PRPF39: variants seen among roughly 807,000 people sequenced by gnomAD.
The protein encoded by PRPF39 is pre-mRNA-processing factor 39.
Under a neutral mutation model 82.1 loss-of-function variants are expected in PRPF39, and 27 were observed. That is an observed-to-expected ratio of 0.33 (90% CI 0.24 to 0.45). PRPF39 has a LOEUF of 0.45. PRPF39 is among the 20% of genes least tolerant of loss of function. PRPF39 has a pLI of 1.00. For synonymous variants in PRPF39, 261 were observed against 256.4 expected, an observed-to-expected ratio of 1.02 and a Z score of -0.17; for missense variants, 581 against 796.9, an observed-to-expected ratio of 0.73 and a Z score of 3.26.
chr14:45,114,318 A>G (rs1884777117), intron 12 of PRPF39, 61 bp downstream of exon 12: 1 of 1,428,440 alleles, frequency 7.0e-7, no homozygotes, highest in Non-Finnish European at 9.6e-7. Context: ...CTTCAAAGAC[A>G]AATGTTTTTA....
rs747421280 is a variant in PRPF39 at position 45,110,045 on chromosome 14, G to C, written c.1177-49G>C. 6.2e-7 allele frequency: 1 copy of C among 1,604,044 alleles called. No individual in the cohort carries two copies. The highest frequency in any genetic ancestry group is 8.5e-7 in the Non-Finnish European group (1 of 1,174,016). On this transcript the variant is annotated intron_variant, in intron 8 of 13. Transcript: ENST00000355765. The surrounding 1 kb of genome is among the most constrained non-coding windows in gnomAD (Gnocchi z 4.0). ...TTTATCGTTCTGTCACAAATTTAAT[G>C]GCTTGTTCAACTGTAAATTATTCAG...
At chr14:45,095,640 T>G in intron 2 of PRPF39, 77 bp downstream of exon 2, 1 of 1,417,996 alleles carries the variant, frequency 7.1e-7, no homozygotes, top group Non-Finnish European at 9.3e-7. Flanking sequence ...GTAGACCTTA[T>G]TGTTTATGAT....
At chr14:45,102,947 A>G (rs928829939) in intron 5 of PRPF39, among the ~76,000 whole-genome samples, 1 of 152,180 alleles carries the variant, frequency 6.6e-6, no homozygotes, top group East Asian at 1.9e-4. Context: ...GAGAAACAGG[A>G]ATTCTGTCTT....
In PRPF39 at chr14:45,102,386, T is replaced by G. The variant is rs972658667; in HGVS notation, c.570-143T>G. ...GCAGCTGTTGTATGCTTTCTGTTAT[T>G]CTGTCTACCCTTTAATCCCTACTTG... On this transcript the variant is annotated intron_variant, in intron 4 of 13. Transcript: ENST00000355765. 5.0e-6 allele frequency: 3 copies of G among 594,976 alleles called. No homozygotes were observed. The African/African-American group carries it at 5.7e-5, about 11-fold the overall frequency. 36.9% of individuals were successfully genotyped at this position (594,976 alleles called of 1,614,324 possible).
In PRPF39 at chr14:45,096,144, C is replaced by T; in HGVS notation, c.366C>T (p.Phe122=). ...CCAGGAAGGCATTTGACAGATTTTT[C>T]ATACACTATCCGTATTGCTATGGTT... is the stretch of plus-strand genomic sequence containing the variant. ...MAARKAFDRF[F]IHYPYCYGYW... is the part of the protein sequence containing the mutation. Residue 122 remains phenylalanine, a synonymous_variant, in exon 3 of 14, where the codon TTC becomes TTT. Coordinates refer to ENST00000355765, the MANE Select transcript of PRPF39 (RefSeq NM_017922.4). The T allele has an allele frequency of 6.3e-7, 1 of 1,584,202 alleles. No individual in the cohort carries two copies. The highest frequency in any genetic ancestry group is 1.3e-5 in the African/African-American group (1 of 74,364).
At chr14:45,113,080 T>C (rs1056470307) in intron 11 of PRPF39, among the ~76,000 whole-genome samples, 4 of 152,222 alleles carry the variant, frequency 2.6e-5, no homozygotes, top group African/African-American at 4.8e-5. Context: ...TCCAGTCTTA[T>C]CTGATTGTAG....
intron 3 of PRPF39, chr14:45,096,465 G>C: frequency 6.8e-7 from 1 of 1,471,212 alleles, no homozygotes; most frequent in South Asian, 1.2e-5. Flanking sequence ...TGCAGTGCAA[G>C]CCTCTGTATT....
chr14:45,113,450 T>C (rs1442832318), intron 11 of PRPF39, among the ~76,000 whole-genome samples: 1 of 152,228 alleles, frequency 6.6e-6, no homozygotes, highest in East Asian at 1.9e-4. Flanking sequence ...GTCATGTAGC[T>C]ATTATCACAT....
Position 45,095,519 on chromosome 14 carries a change from G to T in PRPF39, c.280G>T (p.Asp94Tyr), listed in dbSNP as rs1884168421. 6.2e-7 allele frequency: 1 copy of T among 1,611,436 alleles called. No individual in the cohort carries two copies. The highest frequency in any genetic ancestry group is 8.5e-7 in the Non-Finnish European group (1 of 1,178,648). ...FWKTVENNPQ[D>Y]FTGWVYLLQY... ...GAAAACTGTAGAAAATAATCCTCAG[G>T]ATTTTACAGGCTGGGTATATTTGCT... Residue 94 changes from aspartate (D) to tyrosine (Y), a missense_variant, in exon 2 of 14, where the codon GAT becomes TAT. Physicochemically the swap from Asp to Tyr is radical, Grantham distance 160. Coordinates refer to ENST00000355765, the MANE Select transcript of PRPF39 (RefSeq NM_017922.4).
intron 1 of PRPF39, among the ~76,000 whole-genome samples, chr14:45,088,986 G>A (rs1290643249): frequency 1.3e-5 from 2 of 152,212 alleles, no homozygotes; most frequent in South Asian, 2.1e-4. Flanking sequence ...ACAGTGAAGA[G>A]ATGATTACTT....
At chr14:45,097,922 G>A (rs1884251764) in intron 4 of PRPF39, among the ~76,000 whole-genome samples, 1 of 151,996 alleles carries the variant, frequency 6.6e-6, no homozygotes. Flanking sequence ...TCTTTCTTCT[G>A]GTATTTTCCA....
chr14:45,114,196 T>C lies in PRPF39; in HGVS notation c.1771T>C (p.Tyr591His). Residue 591 changes from tyrosine to histidine, a missense_variant, in exon 12 of 14, where the codon TAT becomes CAT. Tyr to His is a moderately conservative substitution (Grantham distance 83). Transcript: ENST00000355765. ...GSDVNKLLNA[Y>H]DEHQTLLKEQ... Reference sequence around the variant, plus strand: ...CTTTCCTTTCAGGCTTCTGAATGCTTATGATGAACATCAAACACTCCTGAA... The same window carrying C: ...CTTTCCTTTCAGGCTTCTGAATGCTCATGATGAACATCAAACACTCCTGAA... 6.3e-7 allele frequency: 1 copy of C among 1,594,552 alleles called. No individual in the cohort carries two copies. The highest frequency in any genetic ancestry group is 8.6e-7 in the Non-Finnish European group (1 of 1,166,986).
chr14:45,102,456 C>A, intron 4 of PRPF39, 73 bp from the exon 5 acceptor site: 1 of 1,302,812 alleles, frequency 7.7e-7, no homozygotes. Flanking sequence ...GCATTATCTT[C>A]TAAATTTAGA....
chr14:45,101,087 T>C (rs1566694647), intron 4 of PRPF39, among the ~76,000 whole-genome samples: 2 of 152,348 alleles, frequency 1.3e-5, no homozygotes, highest in East Asian at 1.9e-4. Context: ...ATTTTTCTGT[T>C]ACCTGGCCAG....
At position 45,095,779 on chromosome 14, in the gene PRPF39, T is replaced by C. The variant is rs1473304300; in HGVS notation, c.324+216T>C. On this transcript the variant is annotated intron_variant, in intron 2 of 13. Transcript: ENST00000355765. ...AGTGTCAAAGCTTAATGTTTTGTAA[T>C]AATTGAGGTGTAAATGTGTGTGTAA... 3 of 644,818 alleles carry C rather than the reference T, an allele frequency of 4.7e-6. No individual in the cohort carries two copies. In the African/African-American group the frequency reaches 5.6e-5, roughly 12 times the overall value. The allele number at this position is 644,818 out of a possible 1,614,324, so 39.9% of individuals were successfully genotyped here.
intron 1 of PRPF39, among the ~76,000 whole-genome samples, chr14:45,093,523 C>T (rs1458335753): frequency 4.7e-5 from 7 of 149,346 alleles, no homozygotes; most frequent in Middle Eastern, 3.8e-3. Flanking sequence ...CGTGCCTGGC[C>T]GAGTATACTA....
intron 10 of PRPF39, among the ~76,000 whole-genome samples, chr14:45,111,192 T>A (rs573757026): frequency 6.6e-6 from 1 of 152,390 alleles, no homozygotes; most frequent in Non-Finnish European, 1.5e-5. Context: ...ATGATTTTGC[T>A]TCTCCATAGA....
Position 45,095,218 on chromosome 14 carries a change from C to T in PRPF39, c.-19-3C>T. The T allele has an allele frequency of 6.6e-7, 1 of 1,518,342 alleles. No individual in the cohort carries two copies. The highest frequency in any genetic ancestry group is 9.0e-7 in the Non-Finnish European group (1 of 1,114,540). The allele number at this position is 1,518,342 out of a possible 1,614,324, so 94.1% of individuals were successfully genotyped here. ...TATTTCTCTTTTTTTCGTGTTTCCA[C>T]AGATCGTTAACTGAAGACAATATGC... On this transcript the variant is annotated splice_region_variant and splice_polypyrimidine_tract_variant and intron_variant, in intron 1 of 13. Coordinates refer to ENST00000355765, the MANE Select transcript of PRPF39 (RefSeq NM_017922.4).
intron 1 of PRPF39, among the ~76,000 whole-genome samples, chr14:45,089,196 C>T (rs1166626525): frequency 6.6e-6 from 1 of 152,180 alleles, no homozygotes; most frequent in Non-Finnish European, 1.5e-5. Flanking sequence ...TAAGCTTTCC[C>T]CTACGTTTTC....
Sources: gnomAD v4.1 joint callset for allele counts (sites outside exome capture counted in the v4.1 genomes callset) on GRCh38, gnomAD v4.1.1 for gene constraint, Gnocchi (gnomAD v3.1) non-coding constraint, MANE v1.5 for transcripts, NCBI Gene and HGNC (gene_info 2026-07-23, HGNC 2026-07-21) for gene names.